Variants in ANKRD45 observed in about 807,000 individuals in gnomAD.
ANKRD45 encodes the protein ankyrin repeat domain 45.
In ANKRD45, 21 loss-of-function variants were observed where a neutral mutation model predicts 28.1. The ratio of observed to expected loss-of-function variants is 0.75; its 90% CI spans 0.53 to 1.08. ANKRD45 has a LOEUF of 1.08. Ranked by LOEUF, ANKRD45 falls within the 50% of genes least tolerant of loss-of-function variation. The pLI is 0.00. For missense variants in ANKRD45, 261 were observed against 308.7 expected, an observed-to-expected ratio of 0.85 and a Z score of 1.16; for synonymous variants, 86 against 103.9, an observed-to-expected ratio of 0.83 and a Z score of 1.05.
At chr1:173,688,443 C>A in the ANKRD45 span, among the ~76,000 whole-genome samples, 1 of 118,870 alleles carries the variant, frequency 8.4e-6, no homozygotes, top group Non-Finnish European at 1.7e-5. Context: ...TCTCTCTCTG[C>A]CTCTTCCTCT....
chr1:173,624,477 ACT>A (rs1667836564), intron 5 of ANKRD45, among the ~76,000 whole-genome samples: 1 of 146,204 alleles, frequency 6.8e-6, no homozygotes, highest in South Asian at 2.1e-4. Flanking sequence ...ACAGAGGAAG[ACT>A]CTGCCTCCGG....
At chr1:173,649,028 T>G (rs1669057919) in intron 2 of ANKRD45, among the ~76,000 whole-genome samples, 2 of 152,184 alleles carry the variant, frequency 1.3e-5, no homozygotes, top group South Asian at 4.1e-4. Context: ...GATTTTTGTC[T>G]CAATATTTTT....
chr1:173,694,816 T>C, the ANKRD45 span, among the ~76,000 whole-genome samples: 11 of 152,136 alleles, frequency 7.2e-5, no homozygotes, highest in Non-Finnish European at 1.5e-5. Context: ...CCTGCAGTAT[T>C]TGGTTTTCCA....
chr1:173,645,575 C>T (rs141819399), intron 3 of ANKRD45, among the ~76,000 whole-genome samples: 74 of 152,326 alleles, frequency 4.9e-4, no homozygotes, highest in Non-Finnish European at 9.1e-4. Flanking sequence ...AGAATTTAAG[C>T]ACCTTGTCCA....
chr1:173,690,053 C>T, the ANKRD45 span, among the ~76,000 whole-genome samples: 1 of 85,688 alleles, frequency 1.2e-5, no homozygotes, highest in African/African-American at 6.5e-5. Context: ...AAGCCAATGC[C>T]TGCCCCCCGC....
At chr1:173,703,243 G>A in the ANKRD45 span, among the ~76,000 whole-genome samples, 576 of 149,120 alleles carry the variant, frequency 3.9e-3, 4 homozygotes, top group African/African-American at 0.014. Context: ...TTGCTCTGTC[G>A]CCCAGGCTGG....
At chr1:173,680,695 A>G in the ANKRD45 span, among the ~76,000 whole-genome samples, 1 of 152,156 alleles carries the variant, frequency 6.6e-6, no homozygotes, top group African/African-American at 2.4e-5. Flanking sequence ...ACTGTTCACA[A>G]TAACAAAGGC....
In ANKRD45 at chr1:173,648,084, C is replaced by T. The variant is rs1669020231; in HGVS notation, c.329-1071G>A. ...CCTCTGGAGTAGCTGGGACTACAGG[C>T]ATGCAGCACCACGCCCAGCTTATTT... is the stretch of plus-strand genomic sequence containing the variant. On this transcript the variant is annotated intron_variant, in intron 2 of 5. Coordinates refer to ENST00000333279, the MANE Select transcript of ANKRD45 (RefSeq NM_198493.3). Among the ~76,000 whole-genome samples, 3 of 152,140 alleles carry T rather than the reference C, an allele frequency of 2.0e-5. No homozygotes were observed. In the South Asian group the frequency reaches 6.2e-4, roughly 32 times the overall value.
At chr1:173,687,347 C>T in the ANKRD45 span, among the ~76,000 whole-genome samples, 5 of 151,660 alleles carry the variant, frequency 3.3e-5, no homozygotes, top group Admixed American at 2.6e-4. Flanking sequence ...TTCTTTGACA[C>T]GCCTCAACTT....
intron 5 of ANKRD45, among the ~76,000 whole-genome samples, chr1:173,617,169 A>G (rs989833142): frequency 3.9e-5 from 6 of 152,080 alleles, no homozygotes; most frequent in Non-Finnish European, 7.4e-5. Context: ...ACAGAGACCC[A>G]GGAGTTTTAC....
intron 2 of ANKRD45, among the ~76,000 whole-genome samples, chr1:173,649,866 C>T (rs1228000468): frequency 6.6e-6 from 1 of 151,982 alleles, no homozygotes; most frequent in South Asian, 2.1e-4. Context: ...AATAAATATT[C>T]TCTGGCATCA....
At chr1:173,708,520 G>A in the ANKRD45 span, among the ~76,000 whole-genome samples, 1 of 152,216 alleles carries the variant, frequency 6.6e-6, no homozygotes, top group African/African-American at 2.4e-5. Flanking sequence ...CCAGCCTCCA[G>A]AACTATGGGA....
intron 3 of ANKRD45, among the ~76,000 whole-genome samples, chr1:173,644,986 T>G (rs13374735): frequency 0.018 from 1,722 of 94,584 alleles, 44 homozygotes; most frequent in African/African-American, 0.05. Flanking sequence ...AGAGCGAAAC[T>G]CCATCTCAAA....
intron 3 of ANKRD45, among the ~76,000 whole-genome samples, chr1:173,628,173 C>G (rs1668021294): frequency 6.6e-6 from 1 of 151,614 alleles, no homozygotes; most frequent in African/African-American, 2.4e-5. Context: ...CAGAGCCATG[C>G]TGGCTTCAGG....
chr1:173,661,281 G>C (rs1333605806), intron 1 of ANKRD45, among the ~76,000 whole-genome samples: 1 of 152,128 alleles, frequency 6.6e-6, no homozygotes, highest in African/African-American at 2.4e-5. Flanking sequence ...CATTTAAGCT[G>C]AGCCATCAAG....
At chr1:173,637,178 G>A (rs1668484869) in intron 3 of ANKRD45, 5 of 621,844 alleles carry the variant, frequency 8.0e-6, no homozygotes, top group Non-Finnish European at 1.4e-5. Context: ...AGAAGCCTGG[G>A]TTGAAATGTT....
At chr1:173,656,529 G>A (rs1000142691) in intron 2 of ANKRD45, among the ~76,000 whole-genome samples, 1 of 152,098 alleles carries the variant, frequency 6.6e-6, no homozygotes, top group African/African-American at 2.4e-5. Flanking sequence ...TAGTTATCTG[G>A]AGAAAAAAGC....
chr1:173,683,179 A>G, the ANKRD45 span, among the ~76,000 whole-genome samples: 1 of 152,202 alleles, frequency 6.6e-6, no homozygotes, highest in Non-Finnish European at 1.5e-5. Context: ...ATGATTACTG[A>G]GCACTCTAAT....
At chr1:173,684,826 T>C in the ANKRD45 span, among the ~76,000 whole-genome samples, 1 of 152,226 alleles carries the variant, frequency 6.6e-6, no homozygotes, top group South Asian at 2.1e-4. Flanking sequence ...CAGGTATTCC[T>C]TTAACAGCAT....
Sources: allele counts gnomAD v4.1 joint callset (sites outside exome capture counted in the v4.1 genomes callset), GRCh38; gene constraint gnomAD v4.1.1; transcripts MANE v1.5; gene names NCBI Gene and HGNC (gene_info 2026-07-23, HGNC 2026-07-21).